BICC1: variants seen among roughly 807,000 people sequenced by gnomAD.
The protein encoded by BICC1 is BicC family RNA binding protein 1.
In BICC1, 43 loss-of-function variants were observed where a neutral mutation model predicts 111.0. The ratio of observed to expected loss-of-function variants is 0.39; its 90% CI spans 0.30 to 0.50. BICC1 has a LOEUF of 0.50. Ranked by LOEUF, BICC1 falls within the 20% of genes least tolerant of loss-of-function variation. The pLI is 0.88. For missense variants in BICC1, 1,091 were observed against 1,203.2 expected (o/e 0.91, Z 1.38); for synonymous variants, 467 against 434.4 (o/e 1.07, Z -0.93).
At chr10:58,689,495 G>A (rs1160300022) in intron 2 of BICC1, among the ~76,000 whole-genome samples, 3 of 152,186 alleles carry the variant, frequency 2.0e-5, no homozygotes, top group Non-Finnish European at 4.4e-5. Context: ...ATGTCAAGGA[G>A]CTGGTGGCAT....
At chr10:58,614,151 G>A (rs1195974474) in intron 1 of BICC1, among the ~76,000 whole-genome samples, 1 of 152,092 alleles carries the variant, frequency 6.6e-6, no homozygotes, top group Non-Finnish European at 1.5e-5. Context: ...CCGTGTTTGG[G>A]GGAAGAGAAG....
chr10:58,606,089 C>A (rs889312012), intron 1 of BICC1, among the ~76,000 whole-genome samples: 1 of 152,060 alleles, frequency 6.6e-6, no homozygotes, highest in Non-Finnish European at 1.5e-5. Context: ...CTCTTTGAGG[C>A]CTGTTGGCCT....
intron 1 of BICC1, among the ~76,000 whole-genome samples, chr10:58,607,650 T>G (rs915252452): frequency 1.3e-5 from 2 of 152,160 alleles, no homozygotes; most frequent in Non-Finnish European, 2.9e-5. Context: ...CCTCATCTCC[T>G]TCTCAATCTC....
intron 1 of BICC1, among the ~76,000 whole-genome samples, chr10:58,538,041 C>G (rs577909826): frequency 6.6e-6 from 1 of 151,850 alleles, no homozygotes; most frequent in Admixed American, 6.6e-5. Context: ...AATGACCATA[C>G]TGCCCAAAGC....
At chr10:58,550,472 A>G (rs948011310) in intron 1 of BICC1, among the ~76,000 whole-genome samples, 4 of 152,166 alleles carry the variant, frequency 2.6e-5, no homozygotes, top group Admixed American at 6.5e-5. Context: ...TTTCATAAAT[A>G]ATGTTTTTTT....
At position 58,780,931 on chromosome 10, in the gene BICC1, A is replaced by G. The variant is rs1170935475; in HGVS notation, c.308-4070A>G. On this transcript the variant is annotated intron_variant, in intron 3 of 20. Coordinates refer to ENST00000373886, the MANE Select transcript of BICC1 (RefSeq NM_001080512.3). ...CCTTGTTAAGTCCTTACAGATATCC[A>G]TATGAAAGTCACAAGAACCTTTATG... 6.6e-5 allele frequency among the ~76,000 whole-genome samples: 10 copies of G among 152,306 alleles called. No individual in the cohort carries two copies. The East Asian group carries it at 1.7e-3, about 26-fold the overall frequency.
At chr10:58,716,798 A>G (rs577476658) in intron 3 of BICC1, among the ~76,000 whole-genome samples, 11 of 149,292 alleles carry the variant, frequency 7.4e-5, no homozygotes, top group Non-Finnish European at 1.5e-4. Flanking sequence ...GTGGTTTGCT[A>G]TCTCTTTAGC....
At chr10:58,781,222 G>T (rs766636496) in intron 3 of BICC1, among the ~76,000 whole-genome samples, 2 of 152,110 alleles carry the variant, frequency 1.3e-5, no homozygotes, top group Non-Finnish European at 2.9e-5. Context: ...CAGAATATTT[G>T]AACTCAGAAC....
chr10:58,774,900 T>A (rs990663292), intron 3 of BICC1, among the ~76,000 whole-genome samples: 13 of 152,222 alleles, frequency 8.5e-5, no homozygotes, highest in Admixed American at 5.9e-4. Flanking sequence ...TAGTATTTTT[T>A]AAAATTATTT....
chr10:58,814,145 C>A, intron 18 of BICC1, 159 bp downstream of exon 18: 1 of 828,386 alleles, frequency 1.2e-6, no homozygotes, highest in Non-Finnish European at 2.0e-6. Flanking sequence ...CCCAGTGAAG[C>A]AGGCCACCTG....
chr10:58,561,609 T>G (rs1169287377), intron 1 of BICC1, among the ~76,000 whole-genome samples: 2 of 152,088 alleles, frequency 1.3e-5, no homozygotes, highest in Non-Finnish European at 2.9e-5. Flanking sequence ...GTTTTCTGGT[T>G]GTTTTGTGTA....
intron 1 of BICC1, among the ~76,000 whole-genome samples, chr10:58,592,870 C>T (rs1250693495): frequency 2.4e-5 from 3 of 125,646 alleles, no homozygotes; most frequent in Non-Finnish European, 3.3e-5. Context: ...AGCAAGACTC[C>T]GTCTCAAAAA....
chr10:58,803,264 A>G, intron 15 of BICC1, 22 bp downstream of exon 15: 4 of 1,560,968 alleles, frequency 2.6e-6, no homozygotes, highest in South Asian at 1.2e-5. Flanking sequence ...AAAATAGGAA[A>G]GCCACTCAAA....
chr10:58,736,804 T>G (rs532047913), intron 3 of BICC1, among the ~76,000 whole-genome samples: 1 of 152,158 alleles, frequency 6.6e-6, no homozygotes, highest in Non-Finnish European at 1.5e-5. Context: ...TGTGATTACC[T>G]AATACTGGAT....
intron 2 of BICC1, among the ~76,000 whole-genome samples, chr10:58,666,806 C>T (rs1292462997): frequency 2.0e-5 from 3 of 152,108 alleles, no homozygotes; most frequent in Non-Finnish European, 4.4e-5. Flanking sequence ...AGTAGCCATT[C>T]AATTGCTGAT....
intron 20 of BICC1, among the ~76,000 whole-genome samples, chr10:58,828,037 T>G (rs1440428957): frequency 6.6e-6 from 1 of 152,240 alleles, no homozygotes; most frequent in Non-Finnish European, 1.5e-5. Context: ...ATTGTAAACA[T>G]GTAGTATAAA....
At chr10:58,712,718 C>T (rs559696979) in intron 3 of BICC1, among the ~76,000 whole-genome samples, 1 of 152,232 alleles carries the variant, frequency 6.6e-6, no homozygotes, top group African/African-American at 2.4e-5. Context: ...GAAAAATAGG[C>T]AGAGCACAGA....
intron 2 of BICC1, among the ~76,000 whole-genome samples, chr10:58,673,780 G>A (rs972190778): frequency 3.3e-5 from 4 of 120,650 alleles, no homozygotes; most frequent in Admixed American, 2.0e-4. Context: ...GTGCTACCAC[G>A]CCCAGCTTTT....
chr10:58,547,736 T>C (rs187618663), intron 1 of BICC1, among the ~76,000 whole-genome samples: 21 of 152,330 alleles, frequency 1.4e-4, no homozygotes, highest in South Asian at 1.2e-3. Context: ...TACTTGTTTA[T>C]TTCATTGATC....
Sources: gnomAD v4.1 joint callset for allele counts (sites outside exome capture counted in the v4.1 genomes callset) on GRCh38, gnomAD v4.1.1 for gene constraint, MANE v1.5 for transcripts, NCBI Gene and HGNC (gene_info 2026-07-23, HGNC 2026-07-21) for gene names.